The following CACNA1C variants were observed in gnomAD, a reference collection of about 807,000 sequenced individuals.
CACNA1C encodes voltage-dependent L-type calcium channel subunit alpha-1C.
CACNA1C carries 30 observed loss-of-function variants against 229.0 expected under a neutral mutation model. The observed-to-expected ratio is 0.13, with a 90% CI of 0.10 to 0.18. The LOEUF is 0.18. CACNA1C is among the 10% of genes least tolerant of loss of function. The pLI is 1.00. For synonymous variants in CACNA1C, 1,114 were observed against 1,132.5 expected (o/e 0.98, Z 0.33); for missense variants, 1,658 against 2,845.0 (o/e 0.58, Z 9.49).
chr12:2,057,797 ATGGT>A (rs1181558112), intron 1 of CACNA1C, among the ~76,000 whole-genome samples: 1 of 152,120 alleles, frequency 6.6e-6, no homozygotes, highest in Non-Finnish European at 1.5e-5. Context: ...TTTTTCACTG[ATGGT>A]TTAGTAACCA....
rs187569405 is a variant in CACNA1C, at chr12:2,352,390, A to G, written c.478-96586A>G. Among the ~76,000 whole-genome samples the G allele has an allele frequency of 1.8e-4, 27 of 152,298 alleles. No homozygotes were observed. The East Asian group carries it at 4.6e-3, about 26-fold the overall frequency. ...AAAAAAAGTCTTCATCAATCATACA[A>G]AATAAGCTGCCTGCATTTGATGTGT... On this transcript the variant is annotated intron_variant, in intron 3 of 46. Coordinates refer to ENST00000399655, the MANE Select transcript of CACNA1C (RefSeq NM_000719.7).
chr12:2,551,404 G>A (rs1416756437), intron 10 of CACNA1C, among the ~76,000 whole-genome samples: 2 of 152,252 alleles, frequency 1.3e-5, no homozygotes, highest in African/African-American at 4.8e-5. Context: ...GCAGCCTGGA[G>A]AGCTCTGCAG....
intron 1 of CACNA1C, among the ~76,000 whole-genome samples, chr12:2,005,763 C>T (rs1425587530): frequency 6.6e-6 from 1 of 152,198 alleles, no homozygotes; most frequent in Admixed American, 6.5e-5. Flanking sequence ...TAATCATGCA[C>T]AGGCAAAAGA....
intron 3 of CACNA1C, among the ~76,000 whole-genome samples, chr12:2,245,008 C>T (rs1450932298): frequency 6.6e-6 from 1 of 152,190 alleles, no homozygotes; most frequent in East Asian, 1.9e-4. Flanking sequence ...TGCAATTCTG[C>T]TGCTGAACTG....
chr12:2,130,393 G>A (rs1335841769), intron 3 of CACNA1C, among the ~76,000 whole-genome samples: 4 of 138,796 alleles, frequency 2.9e-5, no homozygotes, highest in Non-Finnish European at 4.6e-5. Context: ...ATGCTGGTGC[G>A]CTGCACCCAC....
At chr12:2,368,043 C>T (rs1051033405) in intron 3 of CACNA1C, among the ~76,000 whole-genome samples, 1 of 152,102 alleles carries the variant, frequency 6.6e-6, no homozygotes, top group East Asian at 1.9e-4. Flanking sequence ...AAGGACTATT[C>T]AATGCTGGGA....
At chr12:2,210,283 C>T (rs933494245) in intron 3 of CACNA1C, among the ~76,000 whole-genome samples, 7 of 152,092 alleles carry the variant, frequency 4.6e-5, no homozygotes, top group African/African-American at 1.7e-4. Context: ...CCTTTATTTC[C>T]CAGGGCTGTG....
At chr12:2,554,090 TTCCTC>T (rs753525577) in intron 10 of CACNA1C, among the ~76,000 whole-genome samples, 2 of 152,230 alleles carry the variant, frequency 1.3e-5, no homozygotes, top group East Asian at 1.9e-4. Context: ...ATGGCACTCT[TTCCTC>T]TAAGAAGAGG....
chr12:2,628,037 C>T (rs1340153811), intron 29 of CACNA1C, among the ~76,000 whole-genome samples: 1 of 152,224 alleles, frequency 6.6e-6, no homozygotes, highest in Non-Finnish European at 1.5e-5. Flanking sequence ...GCACCTCTGC[C>T]CTCCAAATGC....
At chr12:2,177,646 T>G (rs754122247) in intron 3 of CACNA1C, among the ~76,000 whole-genome samples, 1 of 144,890 alleles carries the variant, frequency 6.9e-6, no homozygotes, top group East Asian at 2.1e-4. Flanking sequence ...CTTTCTTTCT[T>G]TCTTTCTTTT....
intron 3 of CACNA1C, among the ~76,000 whole-genome samples, chr12:2,402,363 A>T (rs1326117597): frequency 1.3e-5 from 2 of 152,222 alleles, no homozygotes; most frequent in Non-Finnish European, 2.9e-5. Flanking sequence ...ATTGGAAGGG[A>T]CACCTCCGTG....
At chr12:2,393,117 G>C (rs2098514822) in intron 3 of CACNA1C, among the ~76,000 whole-genome samples, 1 of 152,152 alleles carries the variant, frequency 6.6e-6, no homozygotes, top group Admixed American at 6.5e-5. Flanking sequence ...GCACTGTCCT[G>C]CCTCGTAGCT....
intron 3 of CACNA1C, among the ~76,000 whole-genome samples, chr12:2,393,619 G>A (rs1391788893): frequency 6.6e-6 from 1 of 152,220 alleles, no homozygotes; most frequent in Non-Finnish European, 1.5e-5. Context: ...TACTGTGCAG[G>A]TTGTTGCAGA....
At chr12:2,310,352 A>AAATATATATATATAT (rs201363709) in intron 3 of CACNA1C, among the ~76,000 whole-genome samples, 2 of 139,828 alleles carry the variant, frequency 1.4e-5, no homozygotes, top group African/African-American at 5.3e-5. Flanking sequence ...TAAAAAAAAA[A>AAATATATATATATAT]ATATATATAT....
intron 3 of CACNA1C, among the ~76,000 whole-genome samples, chr12:2,153,897 G>A (rs1298969719): frequency 1.3e-5 from 2 of 152,186 alleles, no homozygotes; most frequent in African/African-American, 4.8e-5. Flanking sequence ...AATAATCACA[G>A]GGTCTCACCA....
rs934160563 is a variant in CACNA1C at position 2,695,782 on chromosome 12, A to G, written c.*4583A>G. The G allele has an allele frequency of 7.9e-5, 12 of 152,268 alleles. No homozygotes were observed. Among genetic ancestry groups the G allele is most frequent in the African/African-American group, 2.4e-4 (10 of 41,556 alleles). The allele number at this position is 152,268 out of a possible 1,614,324, so 9.4% of individuals were successfully genotyped here. On this transcript the variant is annotated 3_prime_UTR_variant, in exon 47 of 47. Transcript: ENST00000399655. The stretch of plus-strand genomic sequence containing the variant: ...CTTCTGGGTTTAACTTCATTCATCA[A>G]TTTATTCTTATGTCAAAGCAATGAA...
intron 3 of CACNA1C, chr12:2,288,275 G>A (rs933503867): frequency 6.6e-6 from 1 of 152,434 alleles, no homozygotes; most frequent in Non-Finnish European, 1.5e-5. Context: ...GAGGAGTGAG[G>A]ATTTCTTGCT....
intron 3 of CACNA1C, among the ~76,000 whole-genome samples, chr12:2,290,820 C>T (rs1297929384): frequency 2.6e-5 from 4 of 152,168 alleles, no homozygotes; most frequent in East Asian, 1.9e-4. Context: ...GGATCTGAGA[C>T]GTGTTCCAGG....
intron 1 of CACNA1C, among the ~76,000 whole-genome samples, chr12:1,998,406 T>C (rs2041439347): frequency 1.3e-5 from 2 of 152,184 alleles, no homozygotes. Flanking sequence ...GGGTTCATTT[T>C]CTCCTGCCAT....
Sources: allele counts gnomAD v4.1 joint callset (sites outside exome capture counted in the v4.1 genomes callset), GRCh38; gene constraint gnomAD v4.1.1; transcripts MANE v1.5; gene names NCBI Gene and HGNC (gene_info 2026-07-23, HGNC 2026-07-21).